The following TXNDC12 variants were observed in gnomAD, a reference collection of about 807,000 sequenced individuals.
TXNDC12 encodes thioredoxin domain-containing protein 12.
Under a neutral mutation model 24.2 loss-of-function variants are expected in TXNDC12, and 22 were observed. The ratio of observed to expected loss-of-function variants is 0.91; its 90% CI spans 0.65 to 1.30. The LOEUF (loss-of-function observed/expected upper bound fraction) is 1.30, where lower values mean the gene tolerates loss of function less well. Ranked by LOEUF, TXNDC12 falls within the 50% of genes most tolerant of loss-of-function variation. The probability of loss-of-function intolerance (pLI) is 0.00; values close to 1 mark genes in which losing one functional copy is unlikely to be tolerated. For missense variants in TXNDC12, 184 were observed against 205.8 expected, an observed-to-expected ratio of 0.89 and a Z score of 0.65; for synonymous variants, 58 against 73.4, an observed-to-expected ratio of 0.79 and a Z score of 1.07.
intron 2 of TXNDC12, chr1:52,034,034 C>T: frequency 7.2e-7 from 1 of 1,380,840 alleles, no homozygotes. Context: ...GACTGCCCGT[C>T]CATTTTATTA....
chr1:52,053,390 C>T (rs1034983027), intron 1 of TXNDC12, among the ~76,000 whole-genome samples: 14 of 152,312 alleles, frequency 9.2e-5, no homozygotes, highest in Non-Finnish European at 2.1e-4. Context: ...GCTGGCTGGG[C>T]GCAGTGGCTC....
intron 2 of TXNDC12, 69 bp from the exon 3 acceptor site, chr1:52,028,699 T>A: frequency 1.7e-6 from 2 of 1,178,310 alleles, no homozygotes; most frequent in Non-Finnish European, 2.5e-6. Flanking sequence ...TAAAGATTAA[T>A]ATGTGAAGAC....
intron 4 of TXNDC12, among the ~76,000 whole-genome samples, chr1:52,025,304 C>T (rs1214866574): frequency 4.6e-5 from 7 of 151,922 alleles, no homozygotes; most frequent in African/African-American, 7.3e-5. Context: ...CTGCAAGCTC[C>T]GCCTCCTGGG....
At chr1:52,028,552 A>C in intron 3 of TXNDC12, 26 bp downstream of exon 3, 1 of 1,597,212 alleles carries the variant, frequency 6.3e-7, no homozygotes, top group Non-Finnish European at 8.6e-7. Context: ...CTGAGTTTTG[A>C]ATTTAGATTG....
chr1:52,027,719 T>A (rs1423380876), intron 3 of TXNDC12, among the ~76,000 whole-genome samples: 1 of 150,616 alleles, frequency 6.6e-6, no homozygotes, highest in East Asian at 1.9e-4. Flanking sequence ...TGTATACATA[T>A]ATGTATGTGT....
chr1:52,055,907 T>C (rs921984738), upstream of TXNDC12: 19 of 152,194 alleles, frequency 1.2e-4, no homozygotes, highest in African/African-American at 4.6e-4. Context: ...AGCTTGAGGA[T>C]TTCTTCCCAA....
In TXNDC12 at chr1:52,051,561, T is replaced by C. The variant is rs189937812; in HGVS notation, c.97+3439A>G. Among the ~76,000 whole-genome samples the C allele has an allele frequency of 5.4e-3, 818 of 152,290 alleles. 13 individuals are homozygous for C. The highest frequency in any genetic ancestry group is 0.019 in the African/African-American group (791 of 41,566). Reference sequence around the variant, plus strand: ...TGGCTAATTTTTGTATTTTTTTTAGTAGAGATGGGGTTTCGCCATGTTGGC... The same window carrying C: ...TGGCTAATTTTTGTATTTTTTTTAGCAGAGATGGGGTTTCGCCATGTTGGC... On this transcript the variant is annotated intron_variant, in intron 1 of 6. Transcript: ENST00000371626.
intron 1 of TXNDC12, among the ~76,000 whole-genome samples, chr1:52,043,526 A>G (rs1038472548): frequency 2.0e-5 from 3 of 152,202 alleles, no homozygotes; most frequent in African/African-American, 7.2e-5. Context: ...CTTATTAATA[A>G]CCCAGTTTTA....
chr1:52,034,463 A>G (rs1685844215), intron 2 of TXNDC12, among the ~76,000 whole-genome samples: 1 of 152,244 alleles, frequency 6.6e-6, no homozygotes, highest in South Asian at 2.1e-4. Context: ...GATAAAATAC[A>G]GGATGCCCAG....
intron 4 of TXNDC12, among the ~76,000 whole-genome samples, chr1:52,025,729 A>G (rs1557990488): frequency 6.6e-6 from 1 of 152,192 alleles, no homozygotes; most frequent in Non-Finnish European, 1.5e-5. Flanking sequence ...CATTCAGGCT[A>G]TCCCCTAGCT....
intron 1 of TXNDC12, among the ~76,000 whole-genome samples, chr1:52,042,950 G>A (rs1375036120): frequency 6.6e-6 from 1 of 152,190 alleles, no homozygotes; most frequent in African/African-American, 2.4e-5. Flanking sequence ...AGTAGAGAGA[G>A]GGTTTCGCCA....
Position 52,033,675 on chromosome 1 carries a change from G to A in TXNDC12, c.159-5045C>T, listed in dbSNP as rs372731742. 6.9e-5 allele frequency: 111 copies of A among 1,610,706 alleles called. 1 individual carries two copies. In the Admixed American group the frequency reaches 1.1e-3, roughly 16 times the overall value. ...CGTCGTCCACCACGTACACCGCGCG[G>A]CCCTCGGCAGCCAGCGCCACGCGCA... On this transcript the variant is annotated intron_variant, in intron 2 of 6. Transcript: ENST00000371626.
chr1:52,027,378 A>G (rs372943850), intron 3 of TXNDC12, 30 bp from the exon 4 acceptor site: 159 of 1,459,490 alleles, frequency 1.1e-4, no homozygotes, highest in Middle Eastern at 5.2e-4. Context: ...GGAATAGAAG[A>G]AAAAACATCA....
At chr1:52,051,240 G>A (rs1286870960) in intron 1 of TXNDC12, among the ~76,000 whole-genome samples, 1 of 152,090 alleles carries the variant, frequency 6.6e-6, no homozygotes, top group Non-Finnish European at 1.5e-5. Flanking sequence ...TAATTATTTT[G>A]GAACTCTATA....
At position 52,027,470 on chromosome 1, in the gene TXNDC12, A is replaced by G. The variant is rs539971105; in HGVS notation, c.212-122T>C. Reference sequence around the variant, plus strand: ...GGCATTTGTTTAGTTGATTCATATAACAAACTTTTTTTACACTCTAAAAAA... The same window carrying G: ...GGCATTTGTTTAGTTGATTCATATAGCAAACTTTTTTTACACTCTAAAAAA... On this transcript the variant is annotated intron_variant, in intron 3 of 6. Coordinates refer to ENST00000371626, the MANE Select transcript of TXNDC12 (RefSeq NM_015913.4). 1.3e-4 allele frequency: 96 copies of G among 747,550 alleles called. No individual in the cohort carries two copies. The African/African-American group carries it at 1.6e-3, about 13-fold the overall frequency. The allele number at this position is 747,550 out of a possible 1,614,324, so 46.3% of individuals were successfully genotyped here. A position where few individuals can be genotyped will look rare whatever the true frequency, so the allele number is the denominator to read the frequency against.
At chr1:52,023,466 C>A (rs1234589633) in intron 6 of TXNDC12, 25 bp downstream of exon 6, 3 of 1,585,420 alleles carry the variant, frequency 1.9e-6, no homozygotes, top group South Asian at 2.2e-5. Flanking sequence ...AGCAATAATC[C>A]TCCCTCCCTT....
intron 1 of TXNDC12, among the ~76,000 whole-genome samples, chr1:52,045,286 G>A (rs1236642947): frequency 6.6e-6 from 1 of 152,170 alleles, no homozygotes; most frequent in East Asian, 1.9e-4. Context: ...GGATATTTTT[G>A]TAACAGTGAA....
In TXNDC12 at chr1:52,054,991, C is replaced by T. The variant is rs779296831; in HGVS notation, c.97+9G>A. On this transcript the variant is annotated intron_variant, in intron 1 of 6. Transcript: ENST00000371626. ...GATCAGTAAAGAGAAGATAAGAACG[C>T]GGTCTGACCCTTTCCAAGCCCATTA... is the stretch of plus-strand genomic sequence containing the variant. The T allele has an allele frequency of 6.2e-7, 1 of 1,602,000 alleles. No individual in the cohort carries two copies. Among genetic ancestry groups the T allele is most frequent in the Non-Finnish European group, 8.6e-7 (1 of 1,169,020 alleles).
chr1:52,053,578 C>T (rs757006737), intron 1 of TXNDC12, among the ~76,000 whole-genome samples: 2 of 152,078 alleles, frequency 1.3e-5, no homozygotes, highest in East Asian at 3.9e-4. Context: ...GCAGGAGAAT[C>T]GCTTGAACCC....
Sources: gnomAD v4.1 joint callset for allele counts (sites outside exome capture counted in the v4.1 genomes callset) on GRCh38, gnomAD v4.1.1 for gene constraint, MANE v1.5 for transcripts, NCBI Gene and HGNC (gene_info 2026-07-23, HGNC 2026-07-21) for gene names.